ADAMTSL3: variants seen among roughly 807,000 people sequenced by gnomAD.
ADAMTSL3 encodes ADAMTS-like protein 3.
Under a neutral mutation model 201.7 loss-of-function variants are expected in ADAMTSL3, and 128 were observed. The ratio of observed to expected loss-of-function variants is 0.63; its 90% CI spans 0.55 to 0.73. ADAMTSL3 has a LOEUF of 0.73. Ranked by LOEUF, ADAMTSL3 falls within the 30% of genes least tolerant of loss-of-function variation. The probability of loss-of-function intolerance (pLI) is 0.00; values close to 1 mark genes in which losing one functional copy is unlikely to be tolerated. For synonymous variants in ADAMTSL3, 738 were observed against 748.4 expected (o/e 0.99, Z 0.23); for missense variants, 1,990 against 2,119.6 (o/e 0.94, Z 1.20).
chr15:83,686,822 T>C (rs746903462), intron 2 of ADAMTSL3, among the ~76,000 whole-genome samples: 2 of 152,190 alleles, frequency 1.3e-5, no homozygotes, highest in South Asian at 2.1e-4. Context: ...CAGGATCTTA[T>C]ATAGCAGCAC....
At chr15:83,899,490 T>C (rs2065682366) in intron 14 of ADAMTSL3, among the ~76,000 whole-genome samples, 157 bp from the exon 15 acceptor site, 1 of 152,226 alleles carries the variant, frequency 6.6e-6, no homozygotes, top group South Asian at 2.1e-4. Context: ...TTTAATTCAT[T>C]CCAGCAGCCA....
intron 20 of ADAMTSL3, among the ~76,000 whole-genome samples, chr15:83,971,019 T>C (rs953958225): frequency 3.3e-5 from 5 of 152,224 alleles, no homozygotes; most frequent in Admixed American, 6.5e-5. Flanking sequence ...GAGCTACGTA[T>C]TTTTAAGCAT....
intron 2 of ADAMTSL3, among the ~76,000 whole-genome samples, chr15:83,672,980 A>G (rs1034984251): frequency 2.0e-5 from 3 of 152,222 alleles, no homozygotes; most frequent in Non-Finnish European, 4.4e-5. Flanking sequence ...TCACAGCTCC[A>G]GAGGTGGAGC....
intron 2 of ADAMTSL3, among the ~76,000 whole-genome samples, chr15:83,679,486 A>G (rs1349261665): frequency 6.6e-6 from 1 of 152,050 alleles, no homozygotes; most frequent in East Asian, 1.9e-4. Flanking sequence ...TTCAGCAGAC[A>G]GTGATCATGT....
chr15:83,837,826 G>T (rs1226342719), intron 6 of ADAMTSL3, among the ~76,000 whole-genome samples: 1 of 150,506 alleles, frequency 6.6e-6, no homozygotes, highest in Non-Finnish European at 1.5e-5. Context: ...ACAGAAATCT[G>T]AATAAAAATA....
chr15:83,820,086 G>A (rs1285223467), intron 6 of ADAMTSL3, 39 bp downstream of exon 6: 1 of 1,491,566 alleles, frequency 6.7e-7, no homozygotes. Context: ...CTTTGGGGAT[G>A]TGCCACGCCT....
At chr15:83,944,485 C>T in intron 19 of ADAMTSL3, among the ~76,000 whole-genome samples, 1 of 152,288 alleles carries the variant, frequency 6.6e-6, no homozygotes, top group Middle Eastern at 3.4e-3. Context: ...ACATTCACAA[C>T]CTGCTCTGAG....
At chr15:83,930,665 G>A (rs1438764863) in intron 17 of ADAMTSL3, among the ~76,000 whole-genome samples, 1 of 152,168 alleles carries the variant, frequency 6.6e-6, no homozygotes, top group Non-Finnish European at 1.5e-5. Context: ...AAAATTAAGA[G>A]TCTGTTTTTA....
intron 8 of ADAMTSL3, among the ~76,000 whole-genome samples, chr15:83,860,140 A>G (rs530435853): frequency 6.6e-6 from 1 of 152,216 alleles, no homozygotes; most frequent in Non-Finnish European, 1.5e-5. Context: ...TAGGAGTTCA[A>G]GGTTGCAGTG....
chr15:83,738,870 T>A (rs1246863561), intron 3 of ADAMTSL3, among the ~76,000 whole-genome samples: 1 of 151,890 alleles, frequency 6.6e-6, no homozygotes, highest in Non-Finnish European at 1.5e-5. Context: ...CATTCCAGCC[T>A]GGGTGATGGA....
intron 3 of ADAMTSL3, among the ~76,000 whole-genome samples, chr15:83,730,565 G>C (rs2062249211): frequency 6.6e-6 from 1 of 151,936 alleles, no homozygotes; most frequent in Non-Finnish European, 1.5e-5. Context: ...TCATACCAAA[G>C]CAAAACCAGC....
At chr15:83,733,859 G>A (rs74024552) in intron 3 of ADAMTSL3, among the ~76,000 whole-genome samples, 14 of 152,150 alleles carry the variant, frequency 9.2e-5, no homozygotes, top group East Asian at 1.9e-4. Flanking sequence ...TTTATTTGGC[G>A]TAGTGCCCAG....
chr15:83,763,411 AT>A (rs553492637), intron 3 of ADAMTSL3, among the ~76,000 whole-genome samples: 1,497 of 141,490 alleles, frequency 0.011, 10 homozygotes, highest in African/African-American at 0.028. Flanking sequence ...AGAAATCTAG[AT>A]TTTTTTTTTT....
intron 4 of ADAMTSL3, among the ~76,000 whole-genome samples, chr15:83,803,349 T>G (rs1457438307): frequency 2.6e-5 from 4 of 152,162 alleles, no homozygotes; most frequent in African/African-American, 9.6e-5. Context: ...AGGCTCATAT[T>G]TAAATCATAC....
intron 3 of ADAMTSL3, among the ~76,000 whole-genome samples, chr15:83,766,725 C>A (rs1218668025): frequency 6.6e-6 from 1 of 152,120 alleles, no homozygotes; most frequent in Non-Finnish European, 1.5e-5. Context: ...TGCCTAGGCC[C>A]CTTCTTTAAG....
At chr15:83,786,139 C>T (rs777987816) in intron 4 of ADAMTSL3, among the ~76,000 whole-genome samples, 1 of 151,882 alleles carries the variant, frequency 6.6e-6, no homozygotes, top group Non-Finnish European at 1.5e-5. Context: ...ACCACATCCA[C>T]CTAATTTTTG....
chr15:83,775,294 T>C (rs1317701759), intron 4 of ADAMTSL3, among the ~76,000 whole-genome samples: 1 of 151,950 alleles, frequency 6.6e-6, no homozygotes, highest in African/African-American at 2.4e-5. Context: ...TAATTTGCAA[T>C]TAGTGGTAGG....
chr15:83,774,236 G>C (rs999727696), intron 4 of ADAMTSL3, among the ~76,000 whole-genome samples: 3 of 152,210 alleles, frequency 2.0e-5, no homozygotes, highest in Non-Finnish European at 4.4e-5. Flanking sequence ...AGGTAAGAGA[G>C]AGCCCCAGAT....
chr15:83,921,725 C>A (rs1266873648), intron 16 of ADAMTSL3, among the ~76,000 whole-genome samples: 1 of 152,084 alleles, frequency 6.6e-6, no homozygotes, highest in African/African-American at 2.4e-5. Context: ...TTTCTCTGTG[C>A]CCAGGCTGGA....
Sources: allele counts gnomAD v4.1 joint callset (sites outside exome capture counted in the v4.1 genomes callset), GRCh38; gene constraint gnomAD v4.1.1; transcripts MANE v1.5; gene names NCBI Gene and HGNC (gene_info 2026-07-23, HGNC 2026-07-21).